Variants in ATE1 observed in about 807,000 individuals in gnomAD.
ATE1 encodes the protein arginyltransferase 1, also known as arginyl-tRNA--protein transferase 1.
A neutral mutation model predicts 70.5 loss-of-function variants in ATE1; 36 were observed. That is an observed-to-expected ratio of 0.51 (90% CI 0.39 to 0.67). The LOEUF (loss-of-function observed/expected upper bound fraction) is 0.67. ATE1 is among the 30% of genes least tolerant of loss of function. ATE1 has a pLI of 0.00. For missense variants in ATE1, 593 were observed against 629.5 expected (o/e 0.94, Z 0.62); for synonymous variants, 232 against 219.3 (o/e 1.06, Z -0.51).
chr10:121,776,572 C>T (rs777745017), intron 11 of ATE1, among the ~76,000 whole-genome samples: 71 of 152,330 alleles, frequency 4.7e-4, no homozygotes, highest in Non-Finnish European at 7.3e-4. Flanking sequence ...TAGTGTTTGT[C>T]AAATTGTGAG....
At chr10:121,892,326 C>T (rs1426286078) in intron 7 of ATE1, among the ~76,000 whole-genome samples, 1 of 151,900 alleles carries the variant, frequency 6.6e-6, no homozygotes, top group Admixed American at 6.6e-5. Context: ...TGTTAATGAG[C>T]CCCAAATTTA....
chr10:121,928,040 G>C, upstream of ATE1: 1 of 1,239,340 alleles, frequency 8.1e-7, no homozygotes, highest in Non-Finnish European at 1.0e-6. Context: ...CCGCCCGGGA[G>C]CCTCCCGAGG....
rs770942976 is a variant in ATE1 at position 121,899,858 on chromosome 10, C to T, written c.942+8G>A. The T allele has an allele frequency of 1.2e-6, 2 of 1,610,840 alleles. No homozygotes were observed. Among genetic ancestry groups the T allele is most frequent in the Admixed American group, 1.7e-5 (1 of 59,480 alleles). On this transcript the variant is annotated splice_region_variant and intron_variant, in intron 7 of 11. Transcript: ENST00000224652. ...TTTGCACAGGAAAATTACACTTGGC[C>T]TGCTGACCTGGCTTTCGGTTGGCGT...
At chr10:121,894,664 C>T (rs570054289) in intron 7 of ATE1, among the ~76,000 whole-genome samples, 70 of 152,228 alleles carry the variant, frequency 4.6e-4, no homozygotes, top group African/African-American at 1.6e-3. Flanking sequence ...CTTTGGGAGG[C>T]TGAGGCAGGC....
At chr10:121,884,196 A>G (rs12247749) in intron 7 of ATE1, among the ~76,000 whole-genome samples, 2 of 151,284 alleles carry the variant, frequency 1.3e-5, no homozygotes, top group African/African-American at 4.9e-5. Context: ...AAATTAATTA[A>G]TTCTTTAAAT....
At chr10:121,853,464 G>A (rs1345592923) in intron 8 of ATE1, among the ~76,000 whole-genome samples, 1 of 151,434 alleles carries the variant, frequency 6.6e-6, no homozygotes, top group Non-Finnish European at 1.5e-5. Context: ...GAGAAATAAT[G>A]TTCAAAGGAA....
intron 5 of ATE1, 65 bp downstream of exon 5, chr10:121,910,841 G>C: frequency 6.2e-7 from 1 of 1,605,486 alleles, no homozygotes; most frequent in Non-Finnish European, 8.5e-7. Context: ...AAAGACCCAG[G>C]GTTTAAAATG....
chr10:121,790,679 G>C (rs887073703), intron 10 of ATE1, among the ~76,000 whole-genome samples: 1 of 152,072 alleles, frequency 6.6e-6, no homozygotes, highest in Admixed American at 6.6e-5. Context: ...TGTATAAAGT[G>C]AACTTATTTT....
intron 11 of ATE1, among the ~76,000 whole-genome samples, chr10:121,771,578 C>CA (rs1945519579): frequency 6.6e-6 from 1 of 152,158 alleles, no homozygotes; most frequent in Non-Finnish European, 1.5e-5. Flanking sequence ...ACATGAAACA[C>CA]ACTTTAGTTT....
At chr10:121,788,585 G>A (rs1193538399) in intron 11 of ATE1, among the ~76,000 whole-genome samples, 1 of 152,214 alleles carries the variant, frequency 6.6e-6, no homozygotes, top group Non-Finnish European at 1.5e-5. Flanking sequence ...AACTGAAGAA[G>A]TTACTGCGTC....
At chr10:121,776,546 C>T (rs1945750499) in intron 11 of ATE1, among the ~76,000 whole-genome samples, 1 of 152,210 alleles carries the variant, frequency 6.6e-6, no homozygotes, top group South Asian at 2.1e-4. Context: ...ATCCTCCCCA[C>T]CAAGTTCTCC....
chr10:121,860,071 T>C (rs1305374978), intron 8 of ATE1, among the ~76,000 whole-genome samples: 2 of 152,208 alleles, frequency 1.3e-5, no homozygotes, highest in Non-Finnish European at 2.9e-5. Context: ...GAAAGTATAG[T>C]AGGTTGGGGA....
chr10:121,919,433 C>T (rs1209708951), intron 3 of ATE1, among the ~76,000 whole-genome samples: 2 of 151,878 alleles, frequency 1.3e-5, no homozygotes, highest in African/African-American at 2.4e-5. Context: ...TGGTGGTGCA[C>T]GCCTGTAATC....
intron 11 of ATE1, among the ~76,000 whole-genome samples, chr10:121,764,483 CAAAAAA>C (rs56333855): frequency 7.3e-5 from 9 of 123,714 alleles, no homozygotes; most frequent in Non-Finnish European, 8.6e-5. Context: ...CCGGTTCCTG[CAAAAAA>C]AAAAAAAAAA....
intron 8 of ATE1, among the ~76,000 whole-genome samples, chr10:121,853,538 A>C (rs1361218093): frequency 6.6e-6 from 1 of 152,172 alleles, no homozygotes; most frequent in African/African-American, 2.4e-5. Context: ...AGTAAGTATA[A>C]TGAAAATATT....
intron 11 of ATE1, among the ~76,000 whole-genome samples, chr10:121,757,842 G>A (rs1944871461): frequency 6.6e-6 from 1 of 152,214 alleles, no homozygotes; most frequent in Admixed American, 6.5e-5. Flanking sequence ...GTGCTAAACT[G>A]TGTTCTTCAC....
rs541417137 is a variant in ATE1, at chr10:121,740,728, A to G, written c.*2952T>C. On this transcript the variant is annotated 3_prime_UTR_variant, in exon 12 of 12. Transcript: ENST00000224652. ...AAATCAAAGCATATACTGTTCAGAA[A>G]TCTGGAAAGGTTCTTTTACATAATA... 1 of 152,326 alleles carries G rather than the reference A, an allele frequency of 6.6e-6. No homozygotes were observed. Among genetic ancestry groups the G allele is most frequent in the East Asian group, 1.9e-4 (1 of 5,196 alleles). The allele number at this position is 152,326 out of a possible 1,614,324, so 9.4% of individuals were successfully genotyped here.
intron 11 of ATE1, among the ~76,000 whole-genome samples, chr10:121,773,976 T>C (rs1044579708): frequency 3.3e-5 from 5 of 152,208 alleles, no homozygotes; most frequent in Non-Finnish European, 7.4e-5. Context: ...CAAACTCTAG[T>C]AACACCAGCA....
chr10:121,816,152 TAA>T (rs1947532829), intron 10 of ATE1, among the ~76,000 whole-genome samples: 1 of 152,216 alleles, frequency 6.6e-6, no homozygotes, highest in African/African-American at 2.4e-5. Context: ...GTTTAGACTG[TAA>T]GTTTATATTA....
Sources: gnomAD v4.1 joint callset for allele counts (sites outside exome capture counted in the v4.1 genomes callset) on GRCh38, gnomAD v4.1.1 for gene constraint, MANE v1.5 for transcripts, NCBI Gene and HGNC (gene_info 2026-07-23, HGNC 2026-07-21) for gene names.